Variants in ADRA1B observed in about 807,000 individuals in gnomAD.
ADRA1B encodes alpha-1B adrenergic receptor.
In ADRA1B, 17 loss-of-function variants were observed where a neutral mutation model predicts 17.9. That is an observed-to-expected ratio of 0.95 (90% CI 0.65 to 1.42). The LOEUF (loss-of-function observed/expected upper bound fraction) is 1.42, where lower values mean the gene tolerates loss of function less well. Ranked by LOEUF, ADRA1B falls within the 40% of genes most tolerant of loss-of-function variation. The pLI is 0.00. For missense variants in ADRA1B, 681 were observed against 722.1 expected (o/e 0.94, Z 0.65); for synonymous variants, 366 against 327.6 (o/e 1.12, Z -1.27).
intron 1 of ADRA1B, 146 bp from the exon 2 acceptor site, chr5:159,971,733 C>G (rs1755868710): frequency 1.3e-6 from 1 of 757,612 alleles, no homozygotes; most frequent in Non-Finnish European, 1.9e-6. Flanking sequence ...GGGAAGTATT[C>G]CGGGCAGAGG....
chr5:159,933,516 C>A (rs903457847), intron 1 of ADRA1B, among the ~76,000 whole-genome samples: 1 of 152,208 alleles, frequency 6.6e-6, no homozygotes, highest in Non-Finnish European at 1.5e-5. Flanking sequence ...CAGGCATCTA[C>A]GTTGACTTCC....
intron 1 of ADRA1B, among the ~76,000 whole-genome samples, chr5:159,964,628 G>A (rs1375106940): frequency 6.6e-6 from 1 of 152,216 alleles, no homozygotes; most frequent in African/African-American, 2.4e-5. Flanking sequence ...TGATCCCCTT[G>A]AGACCATGAC....
intron 1 of ADRA1B, among the ~76,000 whole-genome samples, chr5:159,932,341 C>T (rs946027123): frequency 6.6e-6 from 1 of 151,902 alleles, no homozygotes; most frequent in South Asian, 2.1e-4. Flanking sequence ...ATTTTTCTGT[C>T]GAGATGGGGT....
At chr5:159,879,648 T>C (rs955948184) in intron 1 of ADRA1B, among the ~76,000 whole-genome samples, 1 of 152,192 alleles carries the variant, frequency 6.6e-6, no homozygotes, top group Non-Finnish European at 1.5e-5. Flanking sequence ...CGCATATGCA[T>C]GCGTGTGTGT....
At chr5:159,876,146 G>A (rs913406474) in intron 1 of ADRA1B, among the ~76,000 whole-genome samples, 1 of 152,144 alleles carries the variant, frequency 6.6e-6, no homozygotes, top group Admixed American at 6.5e-5. Flanking sequence ...CTGAGATCAC[G>A]CCACTGCACC....
chr5:159,958,534 C>T (rs1404142154), intron 1 of ADRA1B, among the ~76,000 whole-genome samples: 1 of 152,142 alleles, frequency 6.6e-6, no homozygotes. Flanking sequence ...TCTTACCATT[C>T]CTCTTTATTT....
chr5:159,954,330 C>T (rs187478885), intron 1 of ADRA1B, among the ~76,000 whole-genome samples: 40 of 152,256 alleles, frequency 2.6e-4, no homozygotes, highest in African/African-American at 8.7e-4. Context: ...CAGACAGATG[C>T]CTTCCTGTTG....
In ADRA1B at chr5:159,917,198, T is replaced by A; in HGVS notation, c.293T>A (p.Val98Asp). The A allele has an allele frequency of 6.2e-7, 1 of 1,614,176 alleles. No individual in the cohort carries two copies. Among genetic ancestry groups the A allele is most frequent in the Non-Finnish European group, 8.5e-7 (1 of 1,180,032 alleles). ...AMADLLLSFT[V>D]LPFSAALEVL... ...GCCGACCTGCTGTTGAGCTTCACCG[T>A]CCTGCCCTTCTCAGCGGCCCTAGAG... The change falls in exon 1 of 2, where the codon GTC becomes GAC. Residue 98 changes from valine (V) to aspartate (D), a missense_variant. Physicochemically the swap from Val to Asp is radical, Grantham distance 152. Transcript: ENST00000306675.
chr5:159,875,880 G>A (rs1431957018), intron 1 of ADRA1B, among the ~76,000 whole-genome samples: 8 of 140,118 alleles, frequency 5.7e-5, no homozygotes, highest in African/African-American at 2.0e-4. Flanking sequence ...AACAGCATAC[G>A]TGACTAAAAG....
chr5:159,873,711 C>T (rs1753773678), intron 1 of ADRA1B, among the ~76,000 whole-genome samples: 1 of 152,176 alleles, frequency 6.6e-6, no homozygotes, highest in South Asian at 2.1e-4. Flanking sequence ...GAGTGAAAGC[C>T]ATGGCAATGA....
At chr5:159,899,294 G>GGAAGGAAA (rs1210180032) in intron 1 of ADRA1B, among the ~76,000 whole-genome samples, 24 of 150,888 alleles carry the variant, frequency 1.6e-4, no homozygotes, top group Non-Finnish European at 2.7e-4. Context: ...AAGGAAGGAA[G>GGAAGGAAA]GAAGGAAGGA....
intron 1 of ADRA1B, among the ~76,000 whole-genome samples, chr5:159,895,884 AG>A (rs1270605710): frequency 6.6e-6 from 1 of 152,190 alleles, no homozygotes; most frequent in Admixed American, 6.5e-5. Flanking sequence ...TGGGATGCCA[AG>A]GTGGGTGGAT....
intron 1 of ADRA1B, chr5:159,868,680 G>T (rs866206549): frequency 2.0e-5 from 3 of 152,114 alleles, no homozygotes; most frequent in Middle Eastern, 3.2e-3. Context: ...TAAGGCCAGA[G>T]GTTACATTAC....
upstream of ADRA1B, among the ~76,000 whole-genome samples, chr5:159,914,484 T>A (rs970704723): frequency 9.9e-5 from 15 of 152,188 alleles, 1 homozygote; most frequent in African/African-American, 3.6e-4. Context: ...AACTTGTGAA[T>A]CTCTTATTAT....
upstream of ADRA1B, among the ~76,000 whole-genome samples, chr5:159,913,994 C>T (rs1561588306): frequency 6.6e-6 from 1 of 152,218 alleles, no homozygotes; most frequent in South Asian, 2.1e-4. Flanking sequence ...CAAGAGAAGC[C>T]CCATTATCTT....
At chr5:159,975,049 A>G (rs1755951189), downstream of ADRA1B, among the ~76,000 whole-genome samples, 2 of 152,210 alleles carry the variant, frequency 1.3e-5, no homozygotes, top group Admixed American at 6.5e-5. Context: ...TCTTGCCTGA[A>G]TAGAGAAAAG....
At chr5:159,945,990 G>A (rs1472221912) in intron 1 of ADRA1B, among the ~76,000 whole-genome samples, 7 of 152,046 alleles carry the variant, frequency 4.6e-5, no homozygotes, top group African/African-American at 7.2e-5. Context: ...CTCCTGATCC[G>A]CCCACCTCGG....
chr5:159,988,624 C>T, the ADRA1B span, among the ~76,000 whole-genome samples: 12 of 152,218 alleles, frequency 7.9e-5, no homozygotes, highest in South Asian at 6.2e-4. Flanking sequence ...CATAGAGGTA[C>T]GTCTACACCT....
chr5:159,932,903 T>C (rs906205802), intron 1 of ADRA1B, among the ~76,000 whole-genome samples: 2 of 152,194 alleles, frequency 1.3e-5, no homozygotes, highest in African/African-American at 4.8e-5. Context: ...TGGAAAGACA[T>C]TGTAGGTTAT....
Sources: gnomAD v4.1 joint callset for allele counts (sites outside exome capture counted in the v4.1 genomes callset) on GRCh38, gnomAD v4.1.1 for gene constraint, MANE v1.5 for transcripts, NCBI Gene and HGNC (gene_info 2026-07-23, HGNC 2026-07-21) for gene names.